Variants in HP1BP3 observed in about 807,000 individuals in gnomAD.
HP1BP3 encodes the protein heterochromatin protein 1-binding protein 3.
In HP1BP3, 12 loss-of-function variants were observed where a neutral mutation model predicts 62.5. The ratio of observed to expected loss-of-function variants is 0.19; its 90% CI spans 0.12 to 0.31. The LOEUF is 0.31. Ranked by LOEUF, HP1BP3 falls within the 10% of genes least tolerant of loss-of-function variation. HP1BP3 has a pLI of 1.00. For synonymous variants in HP1BP3, 260 were observed against 237.8 expected (o/e 1.09, Z -0.86); for missense variants, 502 against 651.8 (o/e 0.77, Z 2.50).
intron 4 of HP1BP3, chr1:20,775,936 T>C (rs1164762924): frequency 6.6e-7 from 1 of 1,507,818 alleles, no homozygotes; most frequent in South Asian, 1.3e-5. Context: ...AATGCATGAC[T>C]ATAGTTAAAA....
rs540613516 is a variant in HP1BP3, at chr1:20,784,542, G to C, written c.-101+2653C>G. On this transcript the variant is annotated intron_variant, in intron 1 of 12. Transcript: ENST00000438032. ...CGCCCAGGCTGGAGTGCGGTGGCGC[G>C]ATCTCGGCTCACTGCAACCTCCCCT... Among the ~76,000 whole-genome samples, 9 of 146,378 alleles carry C rather than the reference G, an allele frequency of 6.1e-5. No individual in the cohort carries two copies. In the South Asian group the frequency reaches 6.5e-4, roughly 11 times the overall value.
intron 8 of HP1BP3, among the ~76,000 whole-genome samples, chr1:20,761,708 G>A (rs933389834): frequency 6.6e-6 from 1 of 152,220 alleles, no homozygotes; most frequent in Non-Finnish European, 1.5e-5. Context: ...GAATCACCAA[G>A]TGAATGTGGA....
At position 20,744,900 on chromosome 1, in the gene HP1BP3, C is replaced by G; in HGVS notation, c.1559G>C (p.Ser520Thr). The change falls in exon 13 of 13, where the codon AGT (serine) becomes ACT (threonine). Residue 520 changes from serine (S) to threonine (T), a missense_variant. This residue lies in a region of HP1BP3 where 194 missense variants were observed against 207.0 expected (regional missense o/e 0.94). Coordinates refer to ENST00000438032, the MANE Select transcript of HP1BP3 (RefSeq NM_001372052.1). ...RPSSTVIKKP[S>T]GGSSKKPATS... ...TGCAGGCTTCTTTGAGGAGCCACCACTAGGTTTCTTGATGACTGTGGATGA... is the reference window on the plus strand; with the variant it reads ...TGCAGGCTTCTTTGAGGAGCCACCAGTAGGTTTCTTGATGACTGTGGATGA... 1.9e-6 allele frequency: 3 copies of G among 1,614,188 alleles called. No individual in the cohort carries two copies. The highest frequency in any genetic ancestry group is 2.5e-6 in the Non-Finnish European group (3 of 1,180,018).
intron 9 of HP1BP3, among the ~76,000 whole-genome samples, chr1:20,751,830 G>A (rs2055777217): frequency 6.6e-6 from 1 of 151,678 alleles, no homozygotes; most frequent in South Asian, 2.1e-4. Context: ...CAAATAATAT[G>A]CAAAAAGGGA....
At chr1:20,784,072 C>G (rs1470459391) in intron 1 of HP1BP3, among the ~76,000 whole-genome samples, 1 of 152,246 alleles carries the variant, frequency 6.6e-6, no homozygotes, top group Middle Eastern at 3.4e-3. Context: ...CAGGCTCAAG[C>G]GACTCTCCCA....
At chr1:20,775,930 C>A (rs2057284551) in intron 4 of HP1BP3, 2 of 1,489,456 alleles carry the variant, frequency 1.3e-6, no homozygotes, top group African/African-American at 1.5e-5. Context: ...TTAAGCAATG[C>A]ATGACTATAG....
chr1:20,748,775 A>G (rs990288570), intron 10 of HP1BP3, among the ~76,000 whole-genome samples: 1 of 151,996 alleles, frequency 6.6e-6, no homozygotes, highest in Admixed American at 6.6e-5. Context: ...AAAAAAAAAA[A>G]GACTTCAAAA....
intron 4 of HP1BP3, 154 bp downstream of exon 4, chr1:20,776,443 T>C (rs139483758): frequency 1.4e-5 from 9 of 662,592 alleles, no homozygotes; most frequent in African/African-American, 1.1e-4. Context: ...CAAACAACTA[T>C]ATAATAAACC....
rs189225436 is a variant in HP1BP3, at chr1:20,775,266, T to C, written c.350+1331A>G. ...GATCTGGAGGTGGAAGACAGTGATA[T>C]TGATGACCCTGACCTTGTGCAGGCC... On this transcript the variant is annotated intron_variant, in intron 4 of 12. Coordinates refer to ENST00000438032, the MANE Select transcript of HP1BP3 (RefSeq NM_001372052.1). Among the ~76,000 whole-genome samples the C allele has an allele frequency of 1.3e-3, 192 of 152,218 alleles. 1 individual carries two copies. Among genetic ancestry groups the C allele is most frequent in the African/African-American group, 4.4e-3 (184 of 41,552 alleles).
intron 8 of HP1BP3, among the ~76,000 whole-genome samples, chr1:20,758,979 T>C (rs1381372783): frequency 6.6e-6 from 1 of 152,128 alleles, no homozygotes; most frequent in African/African-American, 2.4e-5. Flanking sequence ...TTGGTCATTA[T>C]CAACCAAATA....
Position 20,742,343 on chromosome 1 carries a change from T to C in HP1BP3, c.*2454A>G, listed in dbSNP as rs1188018163. 1.3e-5 allele frequency among the ~76,000 whole-genome samples: 2 copies of C among 152,248 alleles called. No homozygotes were observed. The highest frequency in any genetic ancestry group is 2.9e-5 in the Non-Finnish European group (2 of 68,030). On this transcript the variant is annotated 3_prime_UTR_variant, in exon 13 of 13. Transcript: ENST00000438032. ...ATGTCTAGGATTTATCTGTTATCTT[T>C]TGCAGTACTGTAATTTTTTCTAGTC...
chr1:20,745,557 C>A lies in HP1BP3; in HGVS notation c.1353G>T (p.Pro451=), dbSNP rs200339380. 2.2e-4 allele frequency: 355 copies of A among 1,613,950 alleles called. No homozygotes were observed. The highest frequency in any genetic ancestry group is 4.8e-4 in the Admixed American group (29 of 59,996). The change falls in exon 12 of 13, where the codon CCG becomes CCT. Residue 451 remains proline, a synonymous_variant. Coordinates refer to ENST00000438032, the MANE Select transcript of HP1BP3 (RefSeq NM_001372052.1). ...SSEEDSEDEE[P]PPKRRLQKKT... ...CATGTCCACACCTTCTCTTAGGTGG[C>A]GGCTCTTCATCCTCAGAGTCTTCTT...
chr1:20,777,415 C>T (rs948808830), intron 3 of HP1BP3, among the ~76,000 whole-genome samples: 12 of 152,036 alleles, frequency 7.9e-5, no homozygotes, highest in Admixed American at 2.6e-4. Flanking sequence ...GCAATAATGA[C>T]GAGGACTTCT....
chr1:20,753,377 T>C (rs1439634332), intron 9 of HP1BP3, among the ~76,000 whole-genome samples: 2 of 152,204 alleles, frequency 1.3e-5, no homozygotes, highest in African/African-American at 2.4e-5. Context: ...TTGTTGCCAA[T>C]GATAAAATTC....
At chr1:20,781,196 G>C (rs1033882596) in intron 1 of HP1BP3, among the ~76,000 whole-genome samples, 5 of 151,900 alleles carry the variant, frequency 3.3e-5, no homozygotes, top group African/African-American at 1.2e-4. Context: ...AAGTTTACCT[G>C]ATCACTAACA....
intron 11 of HP1BP3, among the ~76,000 whole-genome samples, chr1:20,746,389 G>C (rs1255280314): frequency 6.6e-6 from 1 of 151,956 alleles, no homozygotes; most frequent in East Asian, 1.9e-4. Flanking sequence ...GTGTGACTTT[G>C]GGAATTAAAT....
intron 1 of HP1BP3, chr1:20,786,200 C>G (rs1189525825): frequency 6.6e-6 from 1 of 152,374 alleles, no homozygotes; most frequent in Non-Finnish European, 1.5e-5. Context: ...CCACTCCTGC[C>G]TCCATCTCTT....
intron 1 of HP1BP3, among the ~76,000 whole-genome samples, chr1:20,784,575 C>G (rs2057731012): frequency 6.8e-6 from 1 of 147,576 alleles, no homozygotes; most frequent in Admixed American, 6.9e-5. Context: ...CCTCCCGGTT[C>G]ACGCCATTCT....
chr1:20,750,058 G>A, intron 9 of HP1BP3, 176 bp from the exon 10 acceptor site: 2 of 1,286,834 alleles, frequency 1.6e-6, no homozygotes, highest in Non-Finnish European at 2.0e-6. Flanking sequence ...CAATCTAACT[G>A]AGAAGTCCCA....
Sources: allele counts gnomAD v4.1 joint callset (sites outside exome capture counted in the v4.1 genomes callset), GRCh38; gene constraint gnomAD v4.1.1; regional missense constraint gnomAD v4.1.1; transcripts MANE v1.5; gene names NCBI Gene and HGNC (gene_info 2026-07-23, HGNC 2026-07-21).